FGF12: variants seen among roughly 807,000 people sequenced by gnomAD.
The protein encoded by FGF12 is fibroblast growth factor 12, also known as fibroblast growth factor 12B.
In FGF12, 14 loss-of-function variants were observed where a neutral mutation model predicts 23.6. That is an observed-to-expected ratio of 0.59 (90% CI 0.39 to 0.93). The LOEUF (loss-of-function observed/expected upper bound fraction) is 0.93, where lower values mean the gene tolerates loss of function less well. Ranked by LOEUF, FGF12 falls within the 40% of genes least tolerant of loss-of-function variation. FGF12 has a pLI of 0.00. For synonymous variants in FGF12, 62 were observed against 77.3 expected, an observed-to-expected ratio of 0.80 and a Z score of 1.04; for missense variants, 175 against 217.8, an observed-to-expected ratio of 0.80 and a Z score of 1.24.
chr3:192,190,943 A>T (rs991925397), intron 4 of FGF12, among the ~76,000 whole-genome samples: 5 of 152,184 alleles, frequency 3.3e-5, no homozygotes, highest in Admixed American at 1.3e-4. Context: ...CTGAAGAATG[A>T]TGACTTCTTC....
chr3:192,256,518 T>G (rs1273248339), intron 4 of FGF12, among the ~76,000 whole-genome samples: 1 of 151,892 alleles, frequency 6.6e-6, no homozygotes, highest in African/African-American at 2.4e-5. Flanking sequence ...TTTACTTTCT[T>G]TAGAAATGAT....
rs556475460 is a variant in FGF12 at position 192,205,788 on chromosome 3, G to A, written c.229-35132C>T. On this transcript the variant is annotated intron_variant, in intron 4 of 5. Transcript: ENST00000445105. ...GGATCATAGAGGAGGCCTTGAAGTG[G>A]TGTGATAAGCGTGGAAGAAGATGAG... Among the ~76,000 whole-genome samples, 10 of 152,304 alleles carry A rather than the reference G, an allele frequency of 6.6e-5. No homozygotes were observed. In the East Asian group the frequency reaches 1.5e-3, roughly 24 times the overall value.
At chr3:192,525,522 C>G (rs186904202) in intron 2 of FGF12, among the ~76,000 whole-genome samples, 1 of 152,142 alleles carries the variant, frequency 6.6e-6, no homozygotes, top group Non-Finnish European at 1.5e-5. Flanking sequence ...AGGCCCTGAT[C>G]ACATCTTGCC....
intron 2 of FGF12, among the ~76,000 whole-genome samples, chr3:192,577,045 G>A (rs1333853714): frequency 6.6e-6 from 1 of 152,054 alleles, no homozygotes; most frequent in Non-Finnish European, 1.5e-5. Flanking sequence ...TCACACACCA[G>A]GGCCTGTCGG....
chr3:192,606,768 G>A (rs1030442974), intron 2 of FGF12, among the ~76,000 whole-genome samples: 3 of 152,076 alleles, frequency 2.0e-5, no homozygotes, highest in Non-Finnish European at 4.4e-5. Context: ...TTTGAACCTG[G>A]ATCTGTTCTA....
At position 192,409,867 on chromosome 3, in the gene FGF12, G is replaced by A. The variant is rs554896765; in HGVS notation, c.14-49329C>T. Among the ~76,000 whole-genome samples the A allele has an allele frequency of 1.7e-4, 26 of 151,934 alleles. No individual in the cohort carries two copies. Among genetic ancestry groups the A allele is most frequent in the African/African-American group, 6.0e-4 (25 of 41,514 alleles). On this transcript the variant is annotated intron_variant, in intron 2 of 5. Coordinates refer to ENST00000445105, the MANE Select transcript of FGF12 (RefSeq NM_004113.6). The surrounding 1 kb of genome is among the most constrained non-coding windows in gnomAD (Gnocchi z 4.8). ...GCCAACTCGCCCAACTTGCTGCGCG[G>A]GTGGCCGCTCAGAGCCGCGGGCTTG...
intron 2 of FGF12, among the ~76,000 whole-genome samples, chr3:192,508,281 C>A (rs1248787099): frequency 1.3e-5 from 2 of 152,156 alleles, no homozygotes; most frequent in Non-Finnish European, 1.5e-5. Context: ...CTGATTGTCA[C>A]CCTATGAAAT....
At chr3:192,524,283 T>A (rs1427554648) in intron 2 of FGF12, among the ~76,000 whole-genome samples, 1 of 152,222 alleles carries the variant, frequency 6.6e-6, no homozygotes, top group Non-Finnish European at 1.5e-5. Flanking sequence ...GAAATTGAAT[T>A]TTCTCTGTAA....
chr3:192,684,759 A>G (rs1717670482), intron 2 of FGF12, among the ~76,000 whole-genome samples: 1 of 152,166 alleles, frequency 6.6e-6, no homozygotes, highest in African/African-American at 2.4e-5. Flanking sequence ...TATTTAGATA[A>G]CACTTTTTCT....
At chr3:192,259,490 T>C (rs1712606750) in intron 4 of FGF12, among the ~76,000 whole-genome samples, 1 of 152,122 alleles carries the variant, frequency 6.6e-6, no homozygotes, top group African/African-American at 2.4e-5. Context: ...AGCATTAGAT[T>C]GGAACAAGGA....
At chr3:192,213,997 A>G (rs77605234) in intron 4 of FGF12, among the ~76,000 whole-genome samples, 1 of 152,154 alleles carries the variant, frequency 6.6e-6, no homozygotes, top group Non-Finnish European at 1.5e-5. Context: ...GCTTTTTTTT[A>G]AAAAACTGTT....
intron 4 of FGF12, among the ~76,000 whole-genome samples, chr3:192,213,793 T>A (rs950020582): frequency 6.6e-6 from 1 of 152,204 alleles, no homozygotes; most frequent in Non-Finnish European, 1.5e-5. Flanking sequence ...AGCCAAATTG[T>A]TCCTTATTTC....
Position 192,252,462 on chromosome 3 carries a change from CAAAAAAAAAAAAAAAAAAAA to C in FGF12, c.229-81826_229-81807del, listed in dbSNP as rs56920518. On this transcript the variant is annotated intron_variant, in intron 4 of 5. Coordinates refer to ENST00000445105, the MANE Select transcript of FGF12 (RefSeq NM_004113.6). ...TGGGTAATGGAGTGAGAATCTGTCT[CAAAAAAAAAAAAAAAAAAAA>C]AAAAAAAAAAAGAAAAGAGAAGAGA... Among the ~76,000 whole-genome samples, 66 of 27,524 alleles carry C rather than the reference CAAAAAAAAAAAAAAAAAAAA, an allele frequency of 2.4e-3. No individual in the cohort carries two copies. The East Asian group carries it at 0.026, about 11-fold the overall frequency. The allele number at this position is 27,524 out of a possible 152,430, so 18.1% of individuals were successfully genotyped here. A position where few individuals can be genotyped will look rare whatever the true frequency, so the allele number is the denominator to read the frequency against.
At chr3:192,698,202 CAATT>C (rs1305933530) in intron 2 of FGF12, among the ~76,000 whole-genome samples, 1 of 152,082 alleles carries the variant, frequency 6.6e-6, no homozygotes, top group Non-Finnish European at 1.5e-5. Flanking sequence ...ATTAACTAAT[CAATT>C]AATAAGAGGG....
At chr3:192,253,971 T>A (rs560284649) in intron 4 of FGF12, among the ~76,000 whole-genome samples, 2 of 152,064 alleles carry the variant, frequency 1.3e-5, no homozygotes, top group Non-Finnish European at 2.9e-5. Context: ...TATATATACA[T>A]TGTTGAATGG....
intron 2 of FGF12, among the ~76,000 whole-genome samples, chr3:192,621,158 C>A (rs1032212756): frequency 2.6e-5 from 4 of 152,084 alleles, no homozygotes; most frequent in Non-Finnish European, 5.9e-5. Flanking sequence ...ATGATATGTG[C>A]GCTTTTCCCT....
intron 4 of FGF12, among the ~76,000 whole-genome samples, chr3:192,320,743 A>G (rs907943375): frequency 6.6e-6 from 1 of 152,150 alleles, no homozygotes; most frequent in African/African-American, 2.4e-5. Flanking sequence ...TAAGAAATAA[A>G]TGTAAAAATT....
At chr3:192,651,936 C>T (rs990324819) in intron 2 of FGF12, among the ~76,000 whole-genome samples, 1 of 152,112 alleles carries the variant, frequency 6.6e-6, no homozygotes, top group Non-Finnish European at 1.5e-5. Context: ...TCAATGCAAC[C>T]CCTCCCTCCA....
chr3:192,302,839 C>T (rs77598600), intron 4 of FGF12, among the ~76,000 whole-genome samples: 16,598 of 152,134 alleles, frequency 0.11, 1,022 homozygotes, highest in South Asian at 0.17. Context: ...AGGTGAAGAA[C>T]ATTCCAGGCA....
Sources: allele counts gnomAD v4.1 joint callset (sites outside exome capture counted in the v4.1 genomes callset), GRCh38; gene constraint gnomAD v4.1.1; non-coding constraint Gnocchi (gnomAD v3.1); transcripts MANE v1.5; gene names NCBI Gene and HGNC (gene_info 2026-07-23, HGNC 2026-07-21).